The following XG variants were observed in gnomAD, a reference collection of about 807,000 sequenced individuals.
XG encodes glycoprotein Xg.
In XG, 24 loss-of-function variants were observed where a neutral mutation model predicts 25.7. The ratio of observed to expected loss-of-function variants is 0.93; its 90% CI spans 0.68 to 1.31. XG has a LOEUF of 1.31. Among genes scored for constraint, XG ranks in the 40% most tolerant of loss-of-function variants. The probability of loss-of-function intolerance (pLI) is 0.00; values close to 1 mark genes in which losing one functional copy is unlikely to be tolerated. For synonymous variants in XG, 77 were observed against 69.2 expected (o/e 1.11, Z -0.56); for missense variants, 181 against 187.6 (o/e 0.96, Z 0.21).
chrX:2,769,866 A>G (rs1162333442), intron 1 of XG, among the ~76,000 whole-genome samples: 15 of 152,166 alleles, frequency 9.9e-5, no homozygotes. Flanking sequence ...CCAAAGAATT[A>G]AAAGTTTATC....
chrX:2,814,366 C>T lies in XG; in HGVS notation c.574C>T (p.Pro192Ser). Residue 192 changes from proline (P) to serine (S), a missense_variant and splice_region_variant, in exon 11 of 11, where the codon CCA (proline) becomes TCA (serine). Physicochemically the swap from Pro to Ser is moderately conservative, Grantham distance 74. Coordinates refer to ENST00000644266, the MANE Select transcript of XG (RefSeq NM_001141919.2). ...TTTGTTTCTAATCTTCCTTTCAGAA[C>T]CAGAAAATGTCTGAAGATGTTAAGA... The part of the protein sequence containing the change: ...NRRNCFRTHE[P>S]ENV 4.2e-6 allele frequency: 5 copies of T among 1,203,301 alleles called. No homozygotes were observed. Among genetic ancestry groups the T allele is most frequent in the Non-Finnish European group, 3.4e-6 (3 of 892,479 alleles).
At chrX:2,814,315 CTTT>C in intron 10 of XG, 46 bp from the exon 11 acceptor site, 1 of 929,284 alleles carries the variant, frequency 1.1e-6, no homozygotes. Flanking sequence ...TTTAATAAGA[CTTT>C]TTTTTTTGCC....
At chrX:2,806,427 T>G (rs2147092861) in intron 7 of XG, among the ~76,000 whole-genome samples, 1 of 110,954 alleles carries the variant, frequency 9.0e-6, no homozygotes, top group South Asian at 3.9e-4. Flanking sequence ...TTGCTGGCAT[T>G]TTTTTTTATG....
intron 1 of XG, among the ~76,000 whole-genome samples, chrX:2,766,804 A>G (rs1353221478): frequency 6.6e-6 from 1 of 151,452 alleles, no homozygotes; most frequent in Non-Finnish European, 1.5e-5. Context: ...TGACCTCGTG[A>G]TCCGCCTGCC....
intron 1 of XG, among the ~76,000 whole-genome samples, chrX:2,765,234 C>T (rs1385071911): frequency 6.6e-6 from 1 of 151,466 alleles, no homozygotes; most frequent in South Asian, 2.1e-4. Context: ...GTAATCCCAG[C>T]TACTCAGGAG....
chrX:2,811,769 T>C (rs888319941), intron 10 of XG, among the ~76,000 whole-genome samples: 4 of 110,584 alleles, frequency 3.6e-5, no homozygotes, highest in Admixed American at 9.7e-5. Flanking sequence ...CTAATTTTTG[T>C]ATTTTTAGTA....
intron 4 of XG, among the ~76,000 whole-genome samples, chrX:2,788,535 T>TGA (rs1270891110): frequency 1.8e-5 from 2 of 111,363 alleles, no homozygotes; most frequent in Non-Finnish European, 3.8e-5. Flanking sequence ...GGAGGGGTCA[T>TGA]GACAGAAGGA....
At chrX:2,765,980 C>A (rs1281551049) in intron 1 of XG, among the ~76,000 whole-genome samples, 1 of 152,204 alleles carries the variant, frequency 6.6e-6, no homozygotes, top group Non-Finnish European at 1.5e-5. Flanking sequence ...AGAATGAAGA[C>A]CCCAAGTTAC....
rs543459427 is a variant in XG, at chrX:2,765,125, A to G, written c.62-5425A>G. On this transcript the variant is annotated intron_variant, in intron 1 of 10. Coordinates refer to ENST00000644266, the MANE Select transcript of XG (RefSeq NM_001141919.2). The stretch of plus-strand genomic sequence containing the variant: ...CACTTTGGGAGGCCAAGGTGGGTGG[A>G]TCACGAGGTCAGGAGTTTGAGACCA... Among the ~76,000 whole-genome samples the G allele has an allele frequency of 1.6e-3, 232 of 145,352 alleles. 7 individuals are homozygous for G. The South Asian group carries it at 0.032, about 20-fold the overall frequency.
intron 3 of XG, among the ~76,000 whole-genome samples, chrX:2,780,875 AG>A (rs1362223057): frequency 6.6e-6 from 1 of 152,182 alleles, no homozygotes; most frequent in African/African-American, 2.4e-5. Flanking sequence ...GCCTTTCCAA[AG>A]GAGGCGATCA....
intron 6 of XG, among the ~76,000 whole-genome samples, chrX:2,796,044 G>GTA (rs199504664): frequency 0.089 from 9,424 of 106,467 alleles, 919 homozygotes; most frequent in African/African-American, 0.29. Context: ...TATATTTTAT[G>GTA]TATGTTATAT....
intron 1 of XG, among the ~76,000 whole-genome samples, chrX:2,758,856 C>T (rs1203302227): frequency 1.3e-5 from 2 of 152,192 alleles, no homozygotes; most frequent in African/African-American, 2.4e-5. Flanking sequence ...ATCTATCTAT[C>T]GTCTACCATT....
chrX:2,811,254 T>C, intron 9 of XG, 82 bp from the exon 10 acceptor site: 1 of 782,791 alleles, frequency 1.3e-6, no homozygotes, highest in Non-Finnish European at 1.9e-6. Context: ...GCAATAACTT[T>C]TGGACCAACC....
intron 4 of XG, among the ~76,000 whole-genome samples, chrX:2,782,584 G>A (rs1248454256): frequency 2.7e-5 from 3 of 111,302 alleles, no homozygotes; most frequent in African/African-American, 9.8e-5. Flanking sequence ...GTTGGAAAGG[G>A]AACCATAGGG....
chrX:2,799,045 C>G (rs1191614676), intron 7 of XG, among the ~76,000 whole-genome samples: 1 of 110,646 alleles, frequency 9.0e-6, no homozygotes, highest in Non-Finnish European at 1.9e-5. Context: ...ACCTTCAGAA[C>G]CAAGACTCAA....
rs2050347428 is a variant in XG at position 2,752,300 on chromosome X, G to T, written c.26G>T (p.Cys9Phe). Reference sequence around the variant, plus strand: ...ATGGAGAGCTGGTGGGGACTTCCCTGTCTTGCGTTCCTGTGTTTTCTAATG... The same window carrying T: ...ATGGAGAGCTGGTGGGGACTTCCCTTTCTTGCGTTCCTGTGTTTTCTAATG... MESWWGLP[C>F]LAFLCFLMHA... Residue 9 changes from cysteine to phenylalanine, a missense_variant, in exon 1 of 11, where the codon TGT becomes TTT. Coordinates refer to ENST00000644266, the MANE Select transcript of XG (RefSeq NM_001141919.2). 6.2e-7 allele frequency: 1 copy of T among 1,613,838 alleles called. No homozygotes were observed. Among genetic ancestry groups the T allele is most frequent in the Non-Finnish European group, 8.5e-7 (1 of 1,179,870 alleles).
chrX:2,796,827 G>A (rs1466093132), intron 6 of XG, among the ~76,000 whole-genome samples: 3 of 112,018 alleles, frequency 2.7e-5, no homozygotes, highest in Admixed American at 9.6e-5. Context: ...CTTTTCTGCC[G>A]TGTTTACTTG....
chrX:2,773,535 GA>G (rs1207623403), intron 2 of XG, among the ~76,000 whole-genome samples: 8 of 128,648 alleles, frequency 6.2e-5, no homozygotes, highest in African/African-American at 1.5e-4. Flanking sequence ...AGGAAGGAGA[GA>G]AGGAAGGAAG....
chrX:2,809,178 A>G (rs887330769), intron 9 of XG, among the ~76,000 whole-genome samples: 1 of 111,115 alleles, frequency 9.0e-6, no homozygotes, highest in African/African-American at 3.3e-5. Context: ...ATGGTGCACT[A>G]GGTAGAGCTG....
Sources: allele counts gnomAD v4.1 joint callset (sites outside exome capture counted in the v4.1 genomes callset), GRCh38; gene constraint gnomAD v4.1.1; transcripts MANE v1.5; gene names NCBI Gene and HGNC (gene_info 2026-07-23, HGNC 2026-07-21).